Variants in ZNF862 observed in about 807,000 individuals in gnomAD.
ZNF862 encodes the protein zinc finger protein 862.
ZNF862 carries 64 observed loss-of-function variants against 91.1 expected under a neutral mutation model. The observed-to-expected ratio is 0.70, with a 90% CI of 0.57 to 0.87. The LOEUF is 0.87. Ranked by LOEUF, ZNF862 falls within the 40% of genes least tolerant of loss-of-function variation. The probability of loss-of-function intolerance (pLI) is 0.00; values close to 1 mark genes in which losing one functional copy is unlikely to be tolerated. For missense variants in ZNF862, 1,459 were observed against 1,528.0 expected (o/e 0.95, Z 0.75); for synonymous variants, 631 against 618.1 (o/e 1.02, Z -0.31).
intron 5 of ZNF862, among the ~76,000 whole-genome samples, chr7:149,853,182 G>A (rs1490370624): frequency 6.6e-6 from 1 of 152,100 alleles, no homozygotes; most frequent in Non-Finnish European, 1.5e-5. Flanking sequence ...CTCCATCTCC[G>A]GAGTATCTGG....
rs1563118501 is a variant in ZNF862, at chr7:149,848,088, C to T, written c.595C>T (p.His199Tyr). Residue 199 changes from histidine (H) to tyrosine (Y), a missense_variant, in exon 4 of 8, where the codon CAC (histidine) becomes TAC (tyrosine). By Grantham distance (83) the His-to-Tyr change is moderately conservative. Transcript: ENST00000223210. ...TLKYHAKSKA[H>Y]MFCVNALAAR... ...CAAATACCACGCGAAGAGCAAGGCCCACATGTTCTGTGTCAATGCCTTGGC... is the reference window on the plus strand; with the variant it reads ...CAAATACCACGCGAAGAGCAAGGCCTACATGTTCTGTGTCAATGCCTTGGC... The T allele has an allele frequency of 6.2e-7, 1 of 1,614,056 alleles. No individual in the cohort carries two copies. The highest frequency in any genetic ancestry group is 8.5e-7 in the Non-Finnish European group (1 of 1,179,900).
chr7:149,844,836 G>A (rs146816442), intron 2 of ZNF862, 100 bp downstream of exon 2: 1 of 803,276 alleles, frequency 1.2e-6, no homozygotes, highest in Non-Finnish European at 2.1e-6. Flanking sequence ...TGGAATCCAA[G>A]CATTTGTCTA....
At chr7:149,841,507 C>G (rs1163453210) in intron 1 of ZNF862, 5 of 982,828 alleles carry the variant, frequency 5.1e-6, no homozygotes, top group Non-Finnish European at 6.0e-6. Context: ...TTGACTCTTA[C>G]ATCCCCAGCT....
At chr7:149,846,036 T>A (rs1801856626) in intron 2 of ZNF862, 115 bp from the exon 3 acceptor site, 4 of 731,424 alleles carry the variant, frequency 5.5e-6, no homozygotes, top group African/African-American at 1.8e-5. Flanking sequence ...TGGCCCCTTA[T>A]CTCACCATGC....
At chr7:149,840,987 A>G (rs1801683929) in intron 1 of ZNF862, 1 of 985,018 alleles carries the variant, frequency 1.0e-6, no homozygotes, top group African/African-American at 1.7e-5. Context: ...GTGAAACCTC[A>G]GAGACTGGAA....
At chr7:149,847,592 G>GGTGT (rs10569456) in intron 3 of ZNF862, 143 bp from the exon 4 acceptor site, 835 of 532,936 alleles carry the variant, frequency 1.6e-3, no homozygotes, top group Non-Finnish European at 2.0e-3. Context: ...AGAAAATTCA[G>GGTGT]GTGTGTGTGT....
rs1563119589 is a variant in ZNF862 at position 149,850,129 on chromosome 7, CG to C, written c.940-30del. The C allele has an allele frequency of 6.5e-7, 1 of 1,550,180 alleles. No individual in the cohort carries two copies. The highest frequency in any genetic ancestry group is 8.7e-7 in the Non-Finnish European group (1 of 1,147,066). ...TCACGTGGGAGTCTGGCTCGGCAGG[CG>C]GTGCTGAGTGGCCGCTGCTCTTTGT... On this transcript the variant is annotated intron_variant, in intron 4 of 7. Coordinates refer to ENST00000223210, the MANE Select transcript of ZNF862 (RefSeq NM_001099220.3). The surrounding 1 kb of genome is among the most constrained non-coding windows in gnomAD (Gnocchi z 4.2).
Position 149,860,564 on chromosome 7 carries a change from A to G in ZNF862, c.1404A>G (p.Ser468=), listed in dbSNP as rs1268922025. 1 of 1,614,004 alleles carries G rather than the reference A, an allele frequency of 6.2e-7. No homozygotes were observed. The highest frequency in any genetic ancestry group is 1.1e-5 in the South Asian group (1 of 91,090). ...RTYRPRSIQR[S]WFGQFPWLVI... Reference sequence around the variant, plus strand: ...ACAGGCCCCGTTCCATTCAGAGGTCATGGTTTGGGCAGTTCCCATGGTTAG... The same window carrying G: ...ACAGGCCCCGTTCCATTCAGAGGTCGTGGTTTGGGCAGTTCCCATGGTTAG... Residue 468 remains serine (S), a synonymous_variant, in exon 7 of 8, where the codon TCA becomes TCG. Transcript: ENST00000223210.
rs376635768 is a variant in ZNF862 at position 149,844,779 on chromosome 7, C to T, written c.136+43C>T. ...CATCCCTGCCACTGTCAATTTAGAT[C>T]GGCATTCCCAACCTCATCTGCGTCA... On this transcript the variant is annotated intron_variant, in intron 2 of 7. Transcript: ENST00000223210. The T allele has an allele frequency of 1.3e-4, 169 of 1,331,724 alleles. No individual in the cohort carries two copies. In the Middle Eastern group the frequency reaches 1.8e-3, roughly 15 times the overall value. 82.5% of individuals were successfully genotyped at this position (1,331,724 alleles called of 1,614,324 possible). A position where few individuals can be genotyped will look rare whatever the true frequency, so the allele number is the denominator to read the frequency against.
chr7:149,854,215 C>T (rs1802176702), intron 5 of ZNF862, among the ~76,000 whole-genome samples: 1 of 152,166 alleles, frequency 6.6e-6, no homozygotes, highest in East Asian at 1.9e-4. Flanking sequence ...TTTTTCTTAT[C>T]ACACTCAAAT....
rs970892493 is a variant in ZNF862, at chr7:149,838,414, C to T, written c.-198C>T. 10 of 399,484 alleles carry T rather than the reference C, an allele frequency of 2.5e-5. No homozygotes were observed. The East Asian group carries it at 2.9e-4, about 11-fold the overall frequency. 24.7% of individuals were successfully genotyped at this position (399,484 alleles called of 1,614,324 possible). On this transcript the variant is annotated 5_prime_UTR_variant, in exon 1 of 8. Coordinates refer to ENST00000223210, the MANE Select transcript of ZNF862 (RefSeq NM_001099220.3). ...TGTTCGCTCGGTGCGACGCAAGTCT[C>T]AGCTCAGCGCGCTTATCCTGGGTCC...
In ZNF862 at chr7:149,861,355, C is replaced by T. The variant is rs748219440; in HGVS notation, c.2195C>T (p.Ala732Val). 2.3e-5 allele frequency: 37 copies of T among 1,612,966 alleles called. 1 individual carries two copies. The highest frequency in any genetic ancestry group is 3.0e-5 in the Non-Finnish European group (35 of 1,179,912). ...VHCVAHRLHL[A>V]VVDACGSIDL... is the part of the protein sequence containing the mutation. ...TGCGTGGCCCACCGGCTGCACCTGG[C>T]TGTGGTGGACGCCTGCGGGAGCATC... is the stretch of plus-strand genomic sequence containing the variant. Residue 732 changes from alanine to valine, a missense_variant, in exon 7 of 8, where the codon GCT becomes GTT. Physicochemically the swap from Ala to Val is moderately conservative, Grantham distance 64. Transcript: ENST00000223210. The surrounding 1 kb of genome is among the most constrained non-coding windows in gnomAD (Gnocchi z 6.7).
At chr7:149,841,628 A>G (rs1801707936) in intron 1 of ZNF862, 2 of 985,312 alleles carry the variant, frequency 2.0e-6, no homozygotes, top group African/African-American at 1.7e-5. Flanking sequence ...TCTGAAGAAC[A>G]CTGCAGCCCG....
chr7:149,848,081 C>T lies in ZNF862; in HGVS notation c.588C>T (p.Ser196=), dbSNP rs774783908. The T allele has an allele frequency of 8.7e-6, 14 of 1,614,074 alleles. No homozygotes were observed. In the Admixed American group the frequency reaches 2.0e-4, roughly 23 times the overall value. The change falls in exon 4 of 8, where the codon AGC becomes AGT. Residue 196 remains serine, a synonymous_variant. Transcript: ENST00000223210. ...AGACTCTCAAATACCACGCGAAGAG[C>T]AAGGCCCACATGTTCTGTGTCAATG... ...KVETLKYHAK[S]KAHMFCVNAL... is the part of the protein sequence containing the mutation.
intron 4 of ZNF862, among the ~76,000 whole-genome samples, chr7:149,849,100 T>A (rs10249657): frequency 0.02 from 3,012 of 152,320 alleles, 97 homozygotes; most frequent in African/African-American, 0.069. Flanking sequence ...CACTCCTGGC[T>A]AGTATTTTTT....
intron 1 of ZNF862, chr7:149,841,824 T>C (rs1801716566): frequency 9.9e-6 from 9 of 906,586 alleles, no homozygotes; most frequent in Admixed American, 6.2e-5. Flanking sequence ...TTATTGCACT[T>C]ATATCTTAGT....
chr7:149,841,179 G>A (rs181215325), intron 1 of ZNF862: 1 of 985,460 alleles, frequency 1.0e-6, no homozygotes, highest in Non-Finnish European at 1.2e-6. Flanking sequence ...TAGCGGTGCT[G>A]TTCTACAACT....
Position 149,861,696 on chromosome 7 carries a change from G to A in ZNF862, c.2536G>A (p.Asp846Asn). 6.2e-7 allele frequency: 1 copy of A among 1,612,984 alleles called. No homozygotes were observed. Reference sequence around the variant, plus strand: ...TGTCAAGTTCTGCCACTTCCTGTTGGACTTCCTGAGCATCTACAGGCCTCT... The same window carrying A: ...TGTCAAGTTCTGCCACTTCCTGTTGAACTTCCTGAGCATCTACAGGCCTCT... Reference protein sequence around the residue: ...HFVKFCHFLLDFLSIYRPLSE... With the variant: ...HFVKFCHFLLNFLSIYRPLSE... The change falls in exon 7 of 8, where the codon GAC becomes AAC. Residue 846 changes from aspartate to asparagine, a missense_variant. Transcript: ENST00000223210. This position sits in a 1 kb window ranked among gnomAD's most constrained non-coding sequence, Gnocchi z 6.7.
intron 1 of ZNF862, chr7:149,841,078 A>G (rs1801686434): frequency 1.0e-6 from 1 of 985,278 alleles, no homozygotes; most frequent in Non-Finnish European, 1.2e-6. Context: ...GTTTTCTAAT[A>G]TGGGAAATGA....
Sources: allele counts gnomAD v4.1 joint callset (sites outside exome capture counted in the v4.1 genomes callset), GRCh38; gene constraint gnomAD v4.1.1; non-coding constraint Gnocchi (gnomAD v3.1); transcripts MANE v1.5; gene names NCBI Gene and HGNC (gene_info 2026-07-23, HGNC 2026-07-21).